BRDT: variants seen among roughly 807,000 people sequenced by gnomAD.
BRDT encodes the protein bromodomain testis associated, also known as bromodomain testis-specific protein.
In BRDT, 77 loss-of-function variants were observed where a neutral mutation model predicts 113.9. The observed-to-expected ratio is 0.68, with a 90% CI of 0.56 to 0.82. BRDT has a LOEUF of 0.82. Ranked by LOEUF, BRDT falls within the 40% of genes least tolerant of loss-of-function variation. The pLI, the probability that BRDT is intolerant of heterozygous loss-of-function variation, is 0.00. For missense variants in BRDT, 1,027 were observed against 1,105.4 expected, an observed-to-expected ratio of 0.93 and a Z score of 1.01; for synonymous variants, 358 against 366.5, an observed-to-expected ratio of 0.98 and a Z score of 0.26.
In BRDT at chr1:91,962,937, A is replaced by C. The variant is rs1460745526; in HGVS notation, c.183A>C (p.Leu61=). Residue 61 remains leucine (L), a synonymous_variant, in exon 2 of 19, where the codon CTA becomes CTC. Coordinates refer to ENST00000399546, the MANE Select transcript of BRDT (RefSeq NM_207189.4). The stretch of plus-strand genomic sequence containing the variant: ...AACGTCCTGTGGATGCTGTGAAACT[A>C]CAGTTGCCTGTATGTATGTCTTCAA... ...PFQRPVDAVK[L]QLPDYYTIIK... is the part of the protein sequence containing the mutation. 5 of 1,594,020 alleles carry C rather than the reference A, an allele frequency of 3.1e-6. No homozygotes were observed. The highest frequency in any genetic ancestry group is 4.3e-6 in the Non-Finnish European group (5 of 1,173,406).
intron 13 of BRDT, 143 bp downstream of exon 13, chr1:91,991,388 A>G (rs1685736420): frequency 9.4e-6 from 4 of 425,462 alleles, no homozygotes; most frequent in South Asian, 6.3e-5. Flanking sequence ...TAAATGTTCA[A>G]TGATTTCTTC....
At position 92,005,228 on chromosome 1, in the gene BRDT, T is replaced by A. The variant is rs756369211; in HGVS notation, c.2704T>A (p.Ser902Thr). 1.9e-6 allele frequency: 3 copies of A among 1,593,982 alleles called. No individual in the cohort carries two copies. Among genetic ancestry groups the A allele is most frequent in the Non-Finnish European group, 2.6e-6 (3 of 1,171,800 alleles). Residue 902 changes from serine to threonine, a missense_variant, in exon 18 of 19, where the codon TCC becomes ACC. Physicochemically the swap from Ser to Thr is moderately conservative, Grantham distance 58. Transcript: ENST00000399546. ...HQQSSEAQDK[S>T]KLWLLKDRDL... ...GCAGTCATCAGAAGCTCAAGATAAA[T>A]CCAAACTCTGGCTTCTCAAAGACCG... is the stretch of plus-strand genomic sequence containing the variant.
At position 92,014,368 on chromosome 1, in the gene BRDT, A is replaced by C; in HGVS notation, c.*94A>C. The C allele has an allele frequency of 1.2e-6, 1 of 806,524 alleles. No homozygotes were observed. Among genetic ancestry groups the C allele is most frequent in the Non-Finnish European group, 1.9e-6 (1 of 524,772 alleles). 50.0% of individuals were successfully genotyped at this position (806,524 alleles called of 1,614,324 possible). A position where few individuals can be genotyped will look rare whatever the true frequency, so the allele number is the denominator to read the frequency against. On this transcript the variant is annotated 3_prime_UTR_variant, in exon 19 of 19. Coordinates refer to ENST00000399546, the MANE Select transcript of BRDT (RefSeq NM_207189.4). ...GATTGCTTTCAGATAACAAGATACC[A>C]ATCTTATATTGTATTTTGACTGCTC...
intron 4 of BRDT, among the ~76,000 whole-genome samples, chr1:91,974,049 T>G (rs1257482076): frequency 6.6e-6 from 1 of 152,190 alleles, no homozygotes; most frequent in Non-Finnish European, 1.5e-5. Flanking sequence ...GATTCCCTAT[T>G]TAATAAATGG....
intron 1 of BRDT, among the ~76,000 whole-genome samples, chr1:91,958,479 G>C (rs943886013): frequency 5.3e-5 from 8 of 152,166 alleles, no homozygotes; most frequent in African/African-American, 1.7e-4. Context: ...ACCTCCCAAA[G>C]TGTTGGGATT....
chr1:92,011,098 A>G (rs1687760305), intron 18 of BRDT, among the ~76,000 whole-genome samples: 1 of 152,160 alleles, frequency 6.6e-6, no homozygotes, highest in Non-Finnish European at 1.5e-5. Context: ...GGCTTTAGCT[A>G]TAGTATTGGT....
chr1:91,968,584 T>A (rs1278162341), intron 4 of BRDT, among the ~76,000 whole-genome samples: 2 of 152,186 alleles, frequency 1.3e-5, no homozygotes, highest in African/African-American at 4.8e-5. Context: ...CTGATAAGAA[T>A]GCCCAAATTG....
intron 1 of BRDT, among the ~76,000 whole-genome samples, chr1:91,957,362 G>A (rs1322103949): frequency 2.6e-5 from 4 of 151,994 alleles, no homozygotes; most frequent in Admixed American, 2.6e-4. Context: ...GTGTGGTGGC[G>A]GGCGCCTGTA....
At chr1:91,975,073 T>C (rs1246545800) in intron 4 of BRDT, among the ~76,000 whole-genome samples, 2 of 151,986 alleles carry the variant, frequency 1.3e-5, no homozygotes, top group East Asian at 1.9e-4. Context: ...TAGGTGGGAA[T>C]TGAACAATGA....
chr1:91,986,308 C>G (rs1223887369), intron 12 of BRDT, among the ~76,000 whole-genome samples: 2 of 151,822 alleles, frequency 1.3e-5, no homozygotes, highest in African/African-American at 4.8e-5. Flanking sequence ...AATCCTGTGA[C>G]TAATGATACT....
intron 4 of BRDT, among the ~76,000 whole-genome samples, chr1:91,973,805 C>T (rs1178356462): frequency 6.6e-6 from 1 of 152,102 alleles, no homozygotes; most frequent in African/African-American, 2.4e-5. Flanking sequence ...GCCAGAACTT[C>T]CAACACTATG....
At chr1:91,970,874 A>AACAGAGCAACAGAGCG (rs1553187658) in intron 4 of BRDT, among the ~76,000 whole-genome samples, 2 of 148,510 alleles carry the variant, frequency 1.3e-5, no homozygotes, top group East Asian at 3.9e-4. Flanking sequence ...ACACCACTGC[A>AACAGAGCAACAGAGCG]ACAGAGCAAC....
At chr1:91,981,796 C>T (rs1434629337) in intron 12 of BRDT, 41 bp downstream of exon 12, 1 of 1,524,064 alleles carries the variant, frequency 6.6e-7, no homozygotes, top group African/African-American at 1.4e-5. Flanking sequence ...GATGGGAGCA[C>T]TTTTTTTCCT....
At position 91,991,258 on chromosome 1, in the gene BRDT, T is replaced by G. The variant is rs769646739; in HGVS notation, c.2064+13T>G. 7 of 1,449,846 alleles carry G rather than the reference T, an allele frequency of 4.8e-6. No homozygotes were observed. The highest frequency in any genetic ancestry group is 6.6e-6 in the Non-Finnish European group (7 of 1,055,548). The allele number at this position is 1,449,846 out of a possible 1,614,324, so 89.8% of individuals were successfully genotyped here. ...AGAGAATGTAAAGGTAAGTGAATTC[T>G]TTATTTGTATCTGAATTTTAAAAGT... On this transcript the variant is annotated intron_variant, in intron 13 of 18. Transcript: ENST00000399546.
intron 11 of BRDT, 62 bp from the exon 12 acceptor site, chr1:91,981,556 T>G: frequency 6.3e-7 from 1 of 1,594,252 alleles, no homozygotes; most frequent in Non-Finnish European, 8.6e-7. Context: ...GGTGGCAGTT[T>G]TTAAATGTTC....
At position 91,983,830 on chromosome 1, in the gene BRDT, T is replaced by C. The variant is rs373401182; in HGVS notation, c.2002+2075T>C. 3.2e-3 allele frequency among the ~76,000 whole-genome samples: 491 copies of C among 152,070 alleles called. 1 individual carries two copies. Among genetic ancestry groups the C allele is most frequent in the African/African-American group, 0.011 (460 of 41,520 alleles). On this transcript the variant is annotated intron_variant, in intron 12 of 18. Transcript: ENST00000399546. Reference sequence around the variant, plus strand: ...CCAAGTAGCTGGGATTACAAGTGGATGCCACCACACCCAGCTCATTTTTGT... The same window carrying C: ...CCAAGTAGCTGGGATTACAAGTGGACGCCACCACACCCAGCTCATTTTTGT...
chr1:92,000,338 A>G (rs1463058125), intron 15 of BRDT, among the ~76,000 whole-genome samples: 1 of 152,236 alleles, frequency 6.6e-6, no homozygotes, highest in African/African-American at 2.4e-5. Context: ...AGAGAAGGGA[A>G]GGCAGTCCTA....
intron 7 of BRDT, among the ~76,000 whole-genome samples, chr1:91,979,368 C>T (rs1348472655): frequency 1.3e-5 from 2 of 151,910 alleles, no homozygotes; most frequent in Non-Finnish European, 2.9e-5. Context: ...CCCGCCTCGG[C>T]CTCCCTAAGT....
Position 91,978,277 on chromosome 1 carries a change from C to G in BRDT, c.1079C>G (p.Thr360Arg). 1 of 1,614,034 alleles carries G rather than the reference C, an allele frequency of 6.2e-7. No individual in the cohort carries two copies. The change falls in exon 7 of 19, where the codon ACA becomes AGA. Residue 360 changes from threonine (T) to arginine (R), a missense_variant. Thr to Arg is a moderately conservative substitution (Grantham distance 71). Coordinates refer to ENST00000399546, the MANE Select transcript of BRDT (RefSeq NM_207189.4). ...AATCCTCCAGATCACGAAGTTGTGA[C>G]AATGGCAAGAATGCTTCAGGTGAGC... ...KYNPPDHEVV[T>R]MARMLQDVFE...
Sources: allele counts gnomAD v4.1 joint callset (sites outside exome capture counted in the v4.1 genomes callset), GRCh38; gene constraint gnomAD v4.1.1; transcripts MANE v1.5; gene names NCBI Gene and HGNC (gene_info 2026-07-23, HGNC 2026-07-21).